ATAD2B: variants seen among roughly 807,000 people sequenced by gnomAD.
The protein encoded by ATAD2B is ATPase family AAA domain-containing protein 2B.
A neutral mutation model predicts 167.6 loss-of-function variants in ATAD2B; 40 were observed. The ratio of observed to expected loss-of-function variants is 0.24; its 90% CI spans 0.19 to 0.31. ATAD2B has a LOEUF of 0.31. Ranked by LOEUF, ATAD2B falls within the 10% of genes least tolerant of loss-of-function variation. ATAD2B has a pLI of 1.00. For missense variants in ATAD2B, 1,242 were observed against 1,757.2 expected (o/e 0.71, Z 5.24); for synonymous variants, 579 against 596.5 (o/e 0.97, Z 0.43).
At chr2:23,803,065 T>C (rs1265127040) in intron 18 of ATAD2B, among the ~76,000 whole-genome samples, 1 of 152,082 alleles carries the variant, frequency 6.6e-6, no homozygotes, top group Non-Finnish European at 1.5e-5. Context: ...AAATCAACAA[T>C]AGAAATATAC....
chr2:23,761,275 G>C (rs1035700413), intron 24 of ATAD2B, among the ~76,000 whole-genome samples: 3 of 152,182 alleles, frequency 2.0e-5, no homozygotes, highest in Non-Finnish European at 2.9e-5. Context: ...GGTGGGTATA[G>C]TTTATTCATT....
chr2:23,734,788 C>G, the ATAD2B span, among the ~76,000 whole-genome samples: 7 of 152,200 alleles, frequency 4.6e-5, no homozygotes, highest in Non-Finnish European at 8.8e-5. Context: ...GGTGGGGACA[C>G]AGACCCAAAC....
chr2:23,875,166 C>T (rs1374719001), intron 8 of ATAD2B, among the ~76,000 whole-genome samples: 2 of 151,624 alleles, frequency 1.3e-5, no homozygotes, highest in African/African-American at 4.8e-5. Flanking sequence ...GCTAAGAGAC[C>T]AAAGAGCTGT....
At chr2:23,903,342 A>T (rs1701064140) in intron 1 of ATAD2B, among the ~76,000 whole-genome samples, 1 of 152,194 alleles carries the variant, frequency 6.6e-6, no homozygotes, top group African/African-American at 2.4e-5. Context: ...ATAAAATACC[A>T]GAACACAATC....
chr2:23,724,034 C>A, the ATAD2B span, among the ~76,000 whole-genome samples: 1,836 of 152,226 alleles, frequency 0.012, 20 homozygotes, highest in Non-Finnish European at 0.019. Flanking sequence ...AAGTTAAACA[C>A]CACATATTCT....
At chr2:23,703,125 G>C in the ATAD2B span, 2 of 1,258,420 alleles carry the variant, frequency 1.6e-6, no homozygotes, top group Non-Finnish European at 2.1e-6. Flanking sequence ...GCCCTTGCTT[G>C]TGACCTCTGC....
chr2:23,709,652 A>AG, the ATAD2B span, among the ~76,000 whole-genome samples: 1 of 151,950 alleles, frequency 6.6e-6, no homozygotes, highest in African/African-American at 2.4e-5. Context: ...AAAAAAAAAA[A>AG]TCGGAAGGTG....
intron 13 of ATAD2B, among the ~76,000 whole-genome samples, chr2:23,841,960 T>C (rs1690983809): frequency 6.6e-6 from 1 of 152,220 alleles, no homozygotes; most frequent in Admixed American, 6.5e-5. Flanking sequence ...TATTTGTTTT[T>C]GTGCTATTTT....
chr2:23,692,620 C>T, the ATAD2B span, among the ~76,000 whole-genome samples: 1 of 152,140 alleles, frequency 6.6e-6, no homozygotes, highest in Non-Finnish European at 1.5e-5. Context: ...ACAGATGGGC[C>T]TCCAGAAACC....
At chr2:23,858,828 T>C (rs1693871209) in intron 12 of ATAD2B, among the ~76,000 whole-genome samples, 1 of 151,866 alleles carries the variant, frequency 6.6e-6, no homozygotes, top group Non-Finnish European at 1.5e-5. Context: ...ACCGTATGGA[T>C]GTGCCACAGT....
At chr2:23,772,884 T>G (rs1678552281) in intron 22 of ATAD2B, among the ~76,000 whole-genome samples, 1 of 152,074 alleles carries the variant, frequency 6.6e-6, no homozygotes, top group East Asian at 1.9e-4. Flanking sequence ...ACCACAAGCA[T>G]GCGCCACCAC....
At chr2:23,911,832 A>G (rs1457731515) in intron 1 of ATAD2B, among the ~76,000 whole-genome samples, 2 of 151,852 alleles carry the variant, frequency 1.3e-5, no homozygotes, top group Non-Finnish European at 2.9e-5. Context: ...AAAATTAGCC[A>G]GGTGTGGTGG....
At chr2:23,724,809 C>T in the ATAD2B span, among the ~76,000 whole-genome samples, 5 of 151,884 alleles carry the variant, frequency 3.3e-5, no homozygotes, top group Non-Finnish European at 5.9e-5. Flanking sequence ...TTTGGGAGGC[C>T]GAGGTGGGCG....
At chr2:23,731,015 C>T in the ATAD2B span, among the ~76,000 whole-genome samples, 1 of 151,894 alleles carries the variant, frequency 6.6e-6, no homozygotes, top group Non-Finnish European at 1.5e-5. Context: ...TACAAACTTA[C>T]AAAGATTACT....
intron 1 of ATAD2B, among the ~76,000 whole-genome samples, chr2:23,904,090 A>C (rs1701180440): frequency 6.6e-6 from 1 of 152,116 alleles, no homozygotes; most frequent in South Asian, 2.1e-4. Context: ...AGGCTATGGG[A>C]AACACACCTC....
intron 2 of ATAD2B, among the ~76,000 whole-genome samples, chr2:23,895,407 T>A (rs758951769): frequency 6.6e-6 from 1 of 152,022 alleles, no homozygotes; most frequent in African/African-American, 2.4e-5. Context: ...AACAGGATAA[T>A]AGATGAAAAG....
At chr2:23,736,331 G>C in the ATAD2B span, among the ~76,000 whole-genome samples, 2 of 152,202 alleles carry the variant, frequency 1.3e-5, no homozygotes, top group East Asian at 1.9e-4. Flanking sequence ...CTTCTGGAAA[G>C]CAGGTTTTTA....
intron 14 of ATAD2B, among the ~76,000 whole-genome samples, chr2:23,830,860 A>T (rs1224521342): frequency 6.8e-6 from 1 of 147,546 alleles, no homozygotes; most frequent in African/African-American, 2.6e-5. Flanking sequence ...AAGAACATGT[A>T]AAAAAAAAAT....
At position 23,926,587 on chromosome 2, in the gene ATAD2B, C is replaced by A; in HGVS notation, c.184G>T (p.Gly62Cys). The change falls in exon 1 of 28, where the codon GGT (glycine) becomes TGT (cysteine). Residue 62 changes from glycine to cysteine, a missense_variant. This residue lies in a region of ATAD2B where 199 missense variants were observed against 194.9 expected (regional missense o/e 1.02). Coordinates refer to ENST00000238789, the MANE Select transcript of ATAD2B (RefSeq NM_017552.4). ...SCPAAKAGGS[G>C]GAGVTLDEAR... ...TCATCCAGAGTGACGCCGGCGCCAC[C>A]GCTTCCCCCGGCTTTGGCGGCGGGG... 2 of 1,557,754 alleles carry A rather than the reference C, an allele frequency of 1.3e-6. No individual in the cohort carries two copies. Among genetic ancestry groups the A allele is most frequent in the South Asian group, 1.2e-5 (1 of 84,662 alleles).
Sources: gnomAD v4.1 joint callset for allele counts (sites outside exome capture counted in the v4.1 genomes callset) on GRCh38, gnomAD v4.1.1 for gene constraint, gnomAD v4.1.1 regional missense constraint, MANE v1.5 for transcripts, NCBI Gene and HGNC (gene_info 2026-07-23, HGNC 2026-07-21) for gene names.